The following DESI2 variants were observed in gnomAD, a reference collection of about 807,000 sequenced individuals.
DESI2 encodes desumoylating isopeptidase 2.
In DESI2, 10 loss-of-function variants were observed where a neutral mutation model predicts 24.1. The observed-to-expected ratio is 0.41, with a 90% CI of 0.26 to 0.70. The LOEUF (loss-of-function observed/expected upper bound fraction) is 0.70. Among genes scored for constraint, DESI2 ranks in the 30% least tolerant of loss-of-function variants. The pLI is 0.29. For synonymous variants in DESI2, 71 were observed against 87.7 expected (o/e 0.81, Z 1.06); for missense variants, 122 against 234.9 (o/e 0.52, Z 3.14).
chr1:244,689,903 C>CCCAAATTAAAAA lies in DESI2; in HGVS notation c.209+561_209+562insCCAAATTAAAAA, dbSNP rs1339371288. On this transcript the variant is annotated intron_variant, in intron 3 of 4. Coordinates refer to ENST00000302550, the MANE Select transcript of DESI2 (RefSeq NM_016076.5). The surrounding 1 kb of genome is among the most constrained non-coding windows in gnomAD (Gnocchi z 4.0). The stretch of plus-strand genomic sequence containing the variant: ...GACCTACCTAGCAAATTAAAAATGT[C>CCCAAATTAAAAA]TTTATTGTCCCAATGAAAGGGACAC... Among the ~76,000 whole-genome samples, 4 of 152,146 alleles carry CCCAAATTAAAAA rather than the reference C, an allele frequency of 2.6e-5. No individual in the cohort carries two copies. Among genetic ancestry groups the CCCAAATTAAAAA allele is most frequent in the Non-Finnish European group, 5.9e-5 (4 of 68,016 alleles).
At chr1:244,654,086 T>C in intron 1 of DESI2, 2 of 465,320 alleles carry the variant, frequency 4.3e-6, no homozygotes, top group Non-Finnish European at 8.9e-6. Context: ...TATTGTATCA[T>C]CTAACTTTGG....
In DESI2 at chr1:244,689,523, T is replaced by C. The variant is rs1383406656; in HGVS notation, c.209+181T>C. On this transcript the variant is annotated intron_variant, in intron 3 of 4. Coordinates refer to ENST00000302550, the MANE Select transcript of DESI2 (RefSeq NM_016076.5). The surrounding 1 kb of genome is among the most constrained non-coding windows in gnomAD (Gnocchi z 4.0). The stretch of plus-strand genomic sequence containing the variant: ...AGGAAACTCATTTCTTTTCCTTTTT[T>C]TTTTGAGATGGAGTCTCACTCTGTC... 1.3e-5 allele frequency among the ~76,000 whole-genome samples: 2 copies of C among 152,072 alleles called. No homozygotes were observed. The highest frequency in any genetic ancestry group is 2.9e-5 in the Non-Finnish European group (2 of 68,008).
At chr1:244,659,897 ATATTGACC>A (rs1675778852) in intron 1 of DESI2, among the ~76,000 whole-genome samples, 1 of 152,226 alleles carries the variant, frequency 6.6e-6, no homozygotes, top group East Asian at 1.9e-4. Flanking sequence ...CATAGAATAA[ATATTGACC>A]TAGTAACTTA....
At chr1:244,666,131 C>T (rs1040581463) in intron 1 of DESI2, among the ~76,000 whole-genome samples, 3 of 152,120 alleles carry the variant, frequency 2.0e-5, no homozygotes, top group African/African-American at 4.8e-5. Flanking sequence ...GTCATACTTT[C>T]TCCCCATTCC....
chr1:244,705,479 C>G (rs778968742), intron 4 of DESI2, 77 bp from the exon 5 acceptor site: 3 of 1,301,170 alleles, frequency 2.3e-6, no homozygotes, highest in Non-Finnish European at 3.3e-6. Flanking sequence ...CCCCCTCCTC[C>G]CACCCTCCAC....
chr1:244,684,927 T>C (rs897531424), intron 1 of DESI2, among the ~76,000 whole-genome samples: 1 of 152,226 alleles, frequency 6.6e-6, no homozygotes, highest in South Asian at 2.1e-4. Flanking sequence ...TATGTAATCT[T>C]ACTACTCTCC....
At chr1:244,694,513 C>G (rs112875090) in intron 4 of DESI2, 1 of 774,264 alleles carries the variant, frequency 1.3e-6, no homozygotes, top group Non-Finnish European at 2.4e-6. Context: ...AATCTGCGGT[C>G]TACAATTTTT....
chr1:244,676,918 AT>A (rs55638785), intron 1 of DESI2, among the ~76,000 whole-genome samples: 125,781 of 134,598 alleles, frequency 0.93, 59,180 homozygotes, highest in Non-Finnish European at 0.99. Flanking sequence ...TATTACATTA[AT>A]TTTTTTTTTT....
At chr1:244,703,722 G>A (rs1177924711) in intron 4 of DESI2, among the ~76,000 whole-genome samples, 9 of 150,556 alleles carry the variant, frequency 6.0e-5, no homozygotes, top group South Asian at 4.2e-4. Flanking sequence ...GCAGTGGTGC[G>A]ATCTCGGCTC....
chr1:244,660,836 C>T (rs752311202), intron 1 of DESI2, among the ~76,000 whole-genome samples: 8 of 152,154 alleles, frequency 5.3e-5, no homozygotes, highest in Non-Finnish European at 1.2e-4. Context: ...CTTACCCATA[C>T]GGAATTGTTG....
intron 2 of DESI2, among the ~76,000 whole-genome samples, chr1:244,688,859 C>T (rs1676916335): frequency 6.6e-6 from 1 of 152,170 alleles, no homozygotes; most frequent in African/African-American, 2.4e-5. Context: ...TAGACAGTTT[C>T]TCCAGTAAGA....
chr1:244,686,740 T>C, intron 2 of DESI2, 71 bp downstream of exon 2: 1 of 920,064 alleles, frequency 1.1e-6, no homozygotes, highest in Non-Finnish European at 1.7e-6. Context: ...AAATCATAAC[T>C]ATAGGTCTCT....
chr1:244,654,195 G>A (rs1034378192), intron 1 of DESI2, among the ~76,000 whole-genome samples: 7 of 152,226 alleles, frequency 4.6e-5, no homozygotes, highest in African/African-American at 1.4e-4. Context: ...AATTGTCGTT[G>A]CAGTTAGATG....
chr1:244,676,293 G>GT (rs2148795401), intron 1 of DESI2, among the ~76,000 whole-genome samples: 1 of 151,984 alleles, frequency 6.6e-6, no homozygotes, highest in Admixed American at 6.6e-5. Context: ...AGCCAGGGTG[G>GT]TCTCAATCTC....
At chr1:244,668,623 T>C (rs1676132398) in intron 1 of DESI2, among the ~76,000 whole-genome samples, 1 of 152,170 alleles carries the variant, frequency 6.6e-6, no homozygotes, top group African/African-American at 2.4e-5. Context: ...CCTAAGTGGT[T>C]ATATTAAGTG....
At position 244,698,116 on chromosome 1, in the gene DESI2, G is replaced by A. The variant is rs556327784; in HGVS notation, c.351+6096G>A. Reference sequence around the variant, plus strand: ...GCAGTTATTACATCTATGGATATACGATAGAAGTTGATGTAAAATGTTTTA... The same window carrying A: ...GCAGTTATTACATCTATGGATATACAATAGAAGTTGATGTAAAATGTTTTA... On this transcript the variant is annotated intron_variant, in intron 4 of 4. Coordinates refer to ENST00000302550, the MANE Select transcript of DESI2 (RefSeq NM_016076.5). 2.9e-3 allele frequency among the ~76,000 whole-genome samples: 449 copies of A among 152,320 alleles called. 1 individual carries two copies. The highest frequency in any genetic ancestry group is 0.014 in the Middle Eastern group (4 of 294).
chr1:244,691,291 G>A (rs1677020188), intron 3 of DESI2, among the ~76,000 whole-genome samples: 1 of 152,258 alleles, frequency 6.6e-6, no homozygotes, highest in Admixed American at 6.5e-5. Flanking sequence ...GTTTCACCGT[G>A]TTGGCCAGGC....
chr1:244,694,291 ATTCTTT>A (rs2148812209), intron 4 of DESI2: 1 of 406,110 alleles, frequency 2.5e-6, no homozygotes, highest in African/African-American at 2.1e-5. Flanking sequence ...TGGTTTTTAC[ATTCTTT>A]TTAAGGACTG....
intron 3 of DESI2, among the ~76,000 whole-genome samples, chr1:244,691,134 G>A (rs796590857): frequency 3.9e-5 from 6 of 152,324 alleles, no homozygotes; most frequent in African/African-American, 1.4e-4. Context: ...TGTCACCCTG[G>A]CTGGAGTACA....
Sources: gnomAD v4.1 joint callset for allele counts (sites outside exome capture counted in the v4.1 genomes callset) on GRCh38, gnomAD v4.1.1 for gene constraint, Gnocchi (gnomAD v3.1) non-coding constraint, MANE v1.5 for transcripts, NCBI Gene and HGNC (gene_info 2026-07-23, HGNC 2026-07-21) for gene names.